Variants in NSMCE2 observed in about 807,000 individuals in gnomAD.
NSMCE2 encodes E3 SUMO-protein ligase NSE2.
Under a neutral mutation model 23.8 loss-of-function variants are expected in NSMCE2, and 24 were observed. The ratio of observed to expected loss-of-function variants is 1.01; its 90% CI spans 0.73 to 1.42. NSMCE2 has a LOEUF of 1.42. Among genes scored for constraint, NSMCE2 ranks in the 40% most tolerant of loss-of-function variants. The probability of loss-of-function intolerance (pLI) is 0.00; values close to 1 mark genes in which losing one functional copy is unlikely to be tolerated. For missense variants in NSMCE2, 284 were observed against 296.5 expected (o/e 0.96, Z 0.31); for synonymous variants, 92 against 94.1 (o/e 0.98, Z 0.13).
At chr8:125,311,077 G>A (rs1828956711) in intron 5 of NSMCE2, among the ~76,000 whole-genome samples, 1 of 152,206 alleles carries the variant, frequency 6.6e-6, no homozygotes, top group Non-Finnish European at 1.5e-5. Context: ...AGTAATTACT[G>A]CTTTCAAACT....
chr8:125,199,711 G>A (rs530124279), intron 5 of NSMCE2, among the ~76,000 whole-genome samples: 3 of 152,174 alleles, frequency 2.0e-5, no homozygotes, highest in Non-Finnish European at 4.4e-5. Flanking sequence ...GCAGAGCTGA[G>A]TTCAAGTCCT....
At chr8:125,236,999 T>C (rs577296776) in intron 5 of NSMCE2, among the ~76,000 whole-genome samples, 5 of 152,346 alleles carry the variant, frequency 3.3e-5, no homozygotes, top group East Asian at 1.9e-4. Flanking sequence ...TCAGTAGTTA[T>C]ACATTTCCTC....
intron 5 of NSMCE2, among the ~76,000 whole-genome samples, chr8:125,333,713 C>A (rs1372702972): frequency 1.3e-5 from 2 of 151,506 alleles, no homozygotes; most frequent in Non-Finnish European, 2.9e-5. Context: ...CGGGGTTTCA[C>A]CATTTTAGCC....
chr8:125,216,131 T>A (rs34298715), intron 5 of NSMCE2, among the ~76,000 whole-genome samples: 5 of 152,246 alleles, frequency 3.3e-5, no homozygotes, highest in South Asian at 2.1e-4. Flanking sequence ...AATGTTCACC[T>A]ATGTTGTAGC....
At chr8:125,266,237 A>G (rs974398775) in intron 5 of NSMCE2, among the ~76,000 whole-genome samples, 1 of 152,136 alleles carries the variant, frequency 6.6e-6, no homozygotes, top group Non-Finnish European at 1.5e-5. Flanking sequence ...GATTACAGGC[A>G]TGTGCCACCA....
At chr8:125,170,806 C>T (rs1822163066) in intron 4 of NSMCE2, among the ~76,000 whole-genome samples, 3 of 152,274 alleles carry the variant, frequency 2.0e-5, no homozygotes, top group African/African-American at 7.2e-5. Context: ...CACTTTTTAC[C>T]TGGATGCCTG....
chr8:125,106,057 C>CACACAG (rs1260362708), intron 3 of NSMCE2, among the ~76,000 whole-genome samples: 1 of 151,496 alleles, frequency 6.6e-6, no homozygotes, highest in Non-Finnish European at 1.5e-5. Flanking sequence ...TACACACACA[C>CACACAG]ACACACACAC....
rs573088942 is a variant in NSMCE2, at chr8:125,099,894, G to A, written c.-110-2157G>A. On this transcript the variant is annotated intron_variant, in intron 1 of 7. Transcript: ENST00000287437. Reference sequence around the variant, plus strand: ...TGTTTTTGAGATGGGAGAAGTAATGGTGTATTTGTTTGCTGAAGGGAATGA... The same window carrying A: ...TGTTTTTGAGATGGGAGAAGTAATGATGTATTTGTTTGCTGAAGGGAATGA... Among the ~76,000 whole-genome samples the A allele has an allele frequency of 1.7e-4, 26 of 152,206 alleles. 2 individuals are homozygous for A. Among genetic ancestry groups the A allele is most frequent in the African/African-American group, 6.3e-4 (26 of 41,500 alleles).
At chr8:125,277,380 G>A (rs1827494521) in intron 5 of NSMCE2, among the ~76,000 whole-genome samples, 1 of 152,086 alleles carries the variant, frequency 6.6e-6, no homozygotes, top group South Asian at 2.1e-4. Context: ...AAATAATATG[G>A]TACTTTTCAG....
intron 5 of NSMCE2, among the ~76,000 whole-genome samples, chr8:125,281,432 G>A (rs949544691): frequency 2.0e-5 from 3 of 152,120 alleles, no homozygotes; most frequent in Non-Finnish European, 4.4e-5. Context: ...ATCACTGGGT[G>A]TATCGAGAGG....
chr8:125,242,796 C>T (rs1322182701), intron 5 of NSMCE2, among the ~76,000 whole-genome samples: 2 of 152,158 alleles, frequency 1.3e-5, no homozygotes, highest in African/African-American at 2.4e-5. Context: ...CATACCCATG[C>T]GATGGCTCAG....
chr8:125,363,540 GAA>G (rs374861151), intron 7 of NSMCE2, among the ~76,000 whole-genome samples: 9,126 of 111,440 alleles, frequency 0.082, 341 homozygotes, highest in South Asian at 0.15. Context: ...AAGAAAGAAA[GAA>G]AGAGAGAGAG....
rs769726853 is a variant in NSMCE2, at chr8:125,102,338, G to C, written c.8G>C (p.Gly3Ala). The C allele has an allele frequency of 1.2e-6, 2 of 1,613,448 alleles. No individual in the cohort carries two copies. Among genetic ancestry groups the C allele is most frequent in the South Asian group, 2.2e-5 (2 of 91,060 alleles). The change falls in exon 3 of 8, where the codon GGA (glycine) becomes GCA (alanine). Residue 3 changes from glycine to alanine, a missense_variant. Physicochemically the swap from Gly to Ala is moderately conservative, Grantham distance 60. Around this residue, in one of 2 missense-constraint regions of NSMCE2, gnomAD observed 182 missense variants for 155.5 expected, o/e 1.17. Coordinates refer to ENST00000287437, the MANE Select transcript of NSMCE2 (RefSeq NM_173685.4). MP[G>A]RSSSNSGSTG... ...TTAGGTACTAATTTCAAGATGCCAG[G>C]ACGTTCCAGTTCAAATTCAGGTTCA...
At position 125,141,258 on chromosome 8, in the gene NSMCE2, A is replaced by G. The variant is rs145676428; in HGVS notation, c.158-9913A>G. Reference sequence around the variant, plus strand: ...GAGGTAGAGCAATTTATTTAAGTCAATCAGTCTCTCTTTCATTTTCTCTCC... The same window carrying G: ...GAGGTAGAGCAATTTATTTAAGTCAGTCAGTCTCTCTTTCATTTTCTCTCC... On this transcript the variant is annotated intron_variant, in intron 3 of 7. Transcript: ENST00000287437. 4.6e-3 allele frequency among the ~76,000 whole-genome samples: 704 copies of G among 152,290 alleles called. 4 individuals are homozygous for G. The highest frequency in any genetic ancestry group is 6.8e-3 in the Non-Finnish European group (463 of 68,026).
At chr8:125,321,790 CA>C (rs1829469316) in intron 5 of NSMCE2, among the ~76,000 whole-genome samples, 1 of 152,094 alleles carries the variant, frequency 6.6e-6, no homozygotes, top group Non-Finnish European at 1.5e-5. Flanking sequence ...AAAGAAAAAT[CA>C]GGCCAGGCAC....
At chr8:125,333,799 C>T (rs1196774654) in intron 5 of NSMCE2, among the ~76,000 whole-genome samples, 1 of 152,070 alleles carries the variant, frequency 6.6e-6, no homozygotes, top group Admixed American at 6.5e-5. Context: ...AGGCGTGAGC[C>T]ACCGCGCCCG....
At chr8:125,183,411 C>CTT (rs11389676) in intron 5 of NSMCE2, among the ~76,000 whole-genome samples, 212 of 151,700 alleles carry the variant, frequency 1.4e-3, no homozygotes, top group Middle Eastern at 3.4e-3. Context: ...TATTTTTGTT[C>CTT]TTTTTTTTAA....
At chr8:125,329,002 A>G (rs1829778112) in intron 5 of NSMCE2, among the ~76,000 whole-genome samples, 1 of 152,194 alleles carries the variant, frequency 6.6e-6, no homozygotes, top group South Asian at 2.1e-4. Flanking sequence ...AGGAAATGTG[A>G]GCGGCAGTGT....
At chr8:125,158,772 T>C (rs1444666994) in intron 4 of NSMCE2, among the ~76,000 whole-genome samples, 1 of 152,240 alleles carries the variant, frequency 6.6e-6, no homozygotes, top group African/African-American at 2.4e-5. Flanking sequence ...GGTTTAGGCC[T>C]TTCCCCACTA....
Sources: gnomAD v4.1 joint callset for allele counts (sites outside exome capture counted in the v4.1 genomes callset) on GRCh38, gnomAD v4.1.1 for gene constraint, gnomAD v4.1.1 regional missense constraint, MANE v1.5 for transcripts, NCBI Gene and HGNC (gene_info 2026-07-23, HGNC 2026-07-21) for gene names.